TOMM6: variants seen among roughly 807,000 people sequenced by gnomAD.
TOMM6 encodes mitochondrial import receptor subunit TOM6 homolog.
A neutral mutation model predicts 6.0 loss-of-function variants in TOMM6; 6 were observed. The ratio of observed to expected loss-of-function variants is 1.00; its 90% CI spans 0.55 to 1.98. The LOEUF is 1.98. Ranked by LOEUF, TOMM6 falls within the 30% of genes most tolerant of loss-of-function variation. The pLI is 0.00. For missense variants in TOMM6, 104 were observed against 95.3 expected (o/e 1.09, Z -0.38); for synonymous variants, 44 against 36.3 (o/e 1.21, Z -0.76).
intron 1 of TOMM6, among the ~76,000 whole-genome samples, chr6:41,788,593 C>CA (rs1156520356): frequency 1.3e-5 from 2 of 150,438 alleles, no homozygotes; most frequent in Admixed American, 6.6e-5. Flanking sequence ...GCTGGGATTA[C>CA]AAGCGCGCGC....
At chr6:41,789,360 C>T in intron 2 of TOMM6, 24 bp downstream of exon 2, 4 of 1,504,070 alleles carry the variant, frequency 2.7e-6, no homozygotes, top group Non-Finnish European at 3.6e-6. Flanking sequence ...TACACCCATG[C>T]GTGTCTTAGG....
chr6:41,789,494 A>G, intron 2 of TOMM6, 74 bp from the exon 3 acceptor site: 8 of 616,550 alleles, frequency 1.3e-5, no homozygotes, highest in Non-Finnish European at 2.3e-5. Context: ...AAGGGATTTA[A>G]GTATCTCTTA....
At chr6:41,789,141 T>C in intron 1 of TOMM6, 91 bp from the exon 2 acceptor site, 1 of 1,169,678 alleles carries the variant, frequency 8.5e-7, no homozygotes, top group Non-Finnish European at 1.2e-6. Flanking sequence ...CTCGGGAAGG[T>C]GGTGATGGAA....
Position 41,789,590 on chromosome 6 carries a change from CCCG to C in TOMM6, c.*32_*34del. Reference sequence around the variant, plus strand: ...CAGACAAATGGAATCCTGTGCTGAACCCGAATCTTCCAAAAAACAGCCTACAAT... The same window carrying C: ...CAGACAAATGGAATCCTGTGCTGAACAATCTTCCAAAAAACAGCCTACAAT... On this transcript the variant is annotated 3_prime_UTR_variant, in exon 3 of 3. Coordinates refer to ENST00000398881, the MANE Select transcript of TOMM6 (RefSeq NM_001382294.1). 1 of 366,054 alleles carries C rather than the reference CCCG, an allele frequency of 2.7e-6. No individual in the cohort carries two copies. The allele number at this position is 366,054 out of a possible 1,614,324, so 22.7% of individuals were successfully genotyped here.
At chr6:41,788,139 CTTTTTTGT>C in intron 1 of TOMM6, among the ~76,000 whole-genome samples, 1 of 57,718 alleles carries the variant, frequency 1.7e-5, no homozygotes, top group South Asian at 6.8e-4. Context: ...TCTTACATTT[CTTTTTTGT>C]TTTTTTTTTT....
intron 1 of TOMM6, among the ~76,000 whole-genome samples, 151 bp downstream of exon 1, chr6:41,787,976 G>A (rs973786799): frequency 1.3e-5 from 2 of 152,148 alleles, no homozygotes; most frequent in Non-Finnish European, 2.9e-5. Context: ...GCCTCACTGA[G>A]ATCCCTGGCC....
At chr6:41,788,146 GTTTTTTTT>G (rs1363261822) in intron 1 of TOMM6, among the ~76,000 whole-genome samples, 1 of 95,954 alleles carries the variant, frequency 1.0e-5, no homozygotes, top group Non-Finnish European at 2.2e-5. Flanking sequence ...TTTCTTTTTT[GTTTTTTTT>G]TTTTTTTTGA....
chr6:41,787,961 G>C (rs1772708328), intron 1 of TOMM6, 136 bp downstream of exon 1: 3 of 1,262,272 alleles, frequency 2.4e-6, no homozygotes, highest in Non-Finnish European at 3.2e-6. Context: ...CGTAGCTCTG[G>C]CTGTGCCTCA....
Position 41,787,835 on chromosome 6 carries a change from C to A in TOMM6, c.128+10C>A. The A allele has an allele frequency of 6.4e-7, 1 of 1,551,640 alleles. No individual in the cohort carries two copies. Among genetic ancestry groups the A allele is most frequent in the Non-Finnish European group, 8.7e-7 (1 of 1,146,904 alleles). ...GGAATGACTTCCGGAGGTAACCGAG[C>A]CCGAGGAACTTGGTCCTTTTCTGGC... On this transcript the variant is annotated intron_variant, in intron 1 of 2. Coordinates refer to ENST00000398881, the MANE Select transcript of TOMM6 (RefSeq NM_001382294.1).
At position 41,789,300 on chromosome 6, in the gene TOMM6, A is replaced by G; in HGVS notation, c.197A>G (p.Asp66Gly). The change falls in exon 2 of 3, where the codon GAC (aspartate) becomes GGC (glycine). Residue 66 changes from aspartate to glycine, a missense_variant. Physicochemically the swap from Asp to Gly is moderately conservative, Grantham distance 94. Transcript: ENST00000398881. ...CTGGCCAGGAACTTGAGTGACATTG[A>G]CCTCATGGCACCTCAGCCAGGGGTG... The part of the protein sequence containing the change: ...VWLARNLSDI[D>G]LMAPQPGV The G allele has an allele frequency of 6.4e-7, 1 of 1,551,560 alleles. No homozygotes were observed.
chr6:41,789,145 G>A (rs1772746504), intron 1 of TOMM6, 87 bp from the exon 2 acceptor site: 4 of 1,238,188 alleles, frequency 3.2e-6, no homozygotes, highest in South Asian at 1.3e-5. Context: ...GGAAGGTGGT[G>A]ATGGAAGCCT....
Position 41,787,765 on chromosome 6 carries a change from A to G in TOMM6, c.68A>G (p.Asn23Ser), listed in dbSNP as rs921582988. The change falls in exon 1 of 3, where the codon AAC becomes AGC. Residue 23 changes from asparagine to serine, a missense_variant. By Grantham distance (46) the Asn-to-Ser change is conservative. Transcript: ENST00000398881. Reference protein sequence around the residue: ...SANETPEIPDNVGDWLRGVYR... With the variant: ...SANETPEIPDSVGDWLRGVYR... ...AATGAAACTCCCGAAATACCGGACAACGTGGGAGATTGGCTTCGGGGCGTC... is the reference window on the plus strand; with the variant it reads ...AATGAAACTCCCGAAATACCGGACAGCGTGGGAGATTGGCTTCGGGGCGTC... 3.9e-6 allele frequency: 6 copies of G among 1,551,618 alleles called. No homozygotes were observed. In the African/African-American group the frequency reaches 6.8e-5, roughly 18 times the overall value.
chr6:41,789,642 C>T lies in TOMM6; in HGVS notation c.*83C>T. ...ATCTGTGACCACCACAAGATGTGCC[C>T]TGATGGCAGCTGAAGTTTGATTCAG... On this transcript the variant is annotated 3_prime_UTR_variant, in exon 3 of 3. Transcript: ENST00000398881. The T allele has an allele frequency of 3.6e-6, 1 of 280,926 alleles. No homozygotes were observed. The highest frequency in any genetic ancestry group is 7.0e-6 in the Non-Finnish European group (1 of 141,912). The allele number at this position is 280,926 out of a possible 1,614,324, so 17.4% of individuals were successfully genotyped here. A position where few individuals can be genotyped will look rare whatever the true frequency, so the allele number is the denominator to read the frequency against.
At chr6:41,789,133 C>T in intron 1 of TOMM6, 99 bp from the exon 2 acceptor site, 2 of 1,111,596 alleles carry the variant, frequency 1.8e-6, no homozygotes, top group Non-Finnish European at 2.7e-6. Context: ...ATCAACGCCT[C>T]GGGAAGGTGG....
At chr6:41,788,289 C>G (rs1347058221) in intron 1 of TOMM6, among the ~76,000 whole-genome samples, 8 of 150,430 alleles carry the variant, frequency 5.3e-5, no homozygotes, top group Non-Finnish European at 1.2e-4. Context: ...GGACTACGGC[C>G]GCCCGCCACC....
chr6:41,787,695 A>T lies in TOMM6; in HGVS notation c.-3A>T. On this transcript the variant is annotated 5_prime_UTR_variant, in exon 1 of 3. Transcript: ENST00000398881. ...CACCGAGGCCCATGCGAAGCTTTCC[A>T]CTATGGCTTCCAGCACTGTCCCGGT... The T allele has an allele frequency of 6.4e-7, 1 of 1,551,024 alleles. No homozygotes were observed. The highest frequency in any genetic ancestry group is 8.7e-7 in the Non-Finnish European group (1 of 1,146,638).
intron 1 of TOMM6, among the ~76,000 whole-genome samples, chr6:41,788,207 C>A (rs1277265912): frequency 1.3e-5 from 2 of 148,294 alleles, no homozygotes; most frequent in Non-Finnish European, 3.0e-5. Context: ...TGCAGTGGCG[C>A]GATCTCGGCT....
In TOMM6 at chr6:41,789,548, G is replaced by A. The variant is rs1040698325; in HGVS notation, c.*9-20G>A. 5 of 486,340 alleles carry A rather than the reference G, an allele frequency of 1.0e-5. No homozygotes were observed. In the East Asian group the frequency reaches 1.1e-4, roughly 11 times the overall value. 30.1% of individuals were successfully genotyped at this position (486,340 alleles called of 1,614,324 possible). On this transcript the variant is annotated intron_variant, in intron 2 of 2. Coordinates refer to ENST00000398881, the MANE Select transcript of TOMM6 (RefSeq NM_001382294.1). Reference sequence around the variant, plus strand: ...TTTTACAGTTCTAATGCCACCTGTCGTCTTATCATCTGATTGCAGACAAAT... The same window carrying A: ...TTTTACAGTTCTAATGCCACCTGTCATCTTATCATCTGATTGCAGACAAAT...
At chr6:41,788,616 C>T (rs2127309972) in intron 1 of TOMM6, among the ~76,000 whole-genome samples, 2 of 147,564 alleles carry the variant, frequency 1.4e-5, no homozygotes, top group South Asian at 4.3e-4. Flanking sequence ...CCACGCCCAG[C>T]TAATTTTTGT....
Sources: gnomAD v4.1 joint callset for allele counts (sites outside exome capture counted in the v4.1 genomes callset) on GRCh38, gnomAD v4.1.1 for gene constraint, MANE v1.5 for transcripts, NCBI Gene and HGNC (gene_info 2026-07-23, HGNC 2026-07-21) for gene names.